Variants in SYNJ1 observed in about 807,000 individuals in gnomAD.
SYNJ1 encodes polyphosphatidylinositol phosphatase SYNJ1.
SYNJ1 carries 78 observed loss-of-function variants against 168.2 expected under a neutral mutation model. The ratio of observed to expected loss-of-function variants is 0.46; its 90% CI spans 0.39 to 0.56. The LOEUF is 0.56. Among genes scored for constraint, SYNJ1 ranks in the 20% least tolerant of loss-of-function variants. The pLI is 0.00. For synonymous variants in SYNJ1, 539 were observed against 548.6 expected (o/e 0.98, Z 0.24); for missense variants, 1,303 against 1,597.6 (o/e 0.82, Z 3.14).
chr21:32,719,621 G>A (rs1429631278), intron 2 of SYNJ1, among the ~76,000 whole-genome samples: 1 of 151,862 alleles, frequency 6.6e-6, no homozygotes, highest in African/African-American at 2.4e-5. Context: ...GGCTGAGGCA[G>A]GAGAATTGCT....
chr21:32,682,578 C>T (rs1226750286), intron 10 of SYNJ1, among the ~76,000 whole-genome samples: 1 of 152,070 alleles, frequency 6.6e-6, no homozygotes, highest in African/African-American at 2.4e-5. Flanking sequence ...AGCCCCAGGG[C>T]CTCCTTTATC....
In SYNJ1 at chr21:32,631,806, A is replaced by C. The variant is rs2039339543; in HGVS notation, c.*4-5T>G. 6.2e-7 allele frequency: 1 copy of C among 1,603,024 alleles called. No individual in the cohort carries two copies. Among genetic ancestry groups the C allele is most frequent in the Non-Finnish European group, 8.5e-7 (1 of 1,173,776 alleles). ...AGAGATTCCATTTGTTTTTACCTGC[A>C]AAAGAAAGGGAGCACTGAAAAATCA... On this transcript the variant is annotated splice_region_variant and splice_polypyrimidine_tract_variant and intron_variant, in intron 32 of 32. Transcript: ENST00000674351.
At position 32,650,294 on chromosome 21, in the gene SYNJ1, T is replaced by C; in HGVS notation, c.2927A>G (p.Asn976Ser). ...CTCTAAACTCATTTCTTCTTCCAAA[T>C]TTTTGATCCAGTCTGGACTTTTTAA... ...IALKSPDWIK[N>S]LEEEMSLEKI... is the part of the protein sequence containing the mutation. The change falls in exon 23 of 33, where the codon AAT (asparagine) becomes AGT (serine). Residue 976 changes from asparagine (N) to serine (S), a missense_variant. By Grantham distance (46) the Asn-to-Ser change is conservative. Coordinates refer to ENST00000674351, the MANE Select transcript of SYNJ1 (RefSeq NM_203446.3). 6.2e-7 allele frequency: 1 copy of C among 1,614,092 alleles called. No homozygotes were observed. Among genetic ancestry groups the C allele is most frequent in the Non-Finnish European group, 8.5e-7 (1 of 1,179,982 alleles).
chr21:32,642,697 A>G (rs2039897270), intron 27 of SYNJ1, among the ~76,000 whole-genome samples: 1 of 152,230 alleles, frequency 6.6e-6, no homozygotes, highest in Non-Finnish European at 1.5e-5. Flanking sequence ...TTATTACCAA[A>G]TATCTGCCTT....
At position 32,693,394 on chromosome 21, in the gene SYNJ1, C is replaced by T. The variant is rs112705349; in HGVS notation, c.789+834G>A. ...TTGCAGAGCAGTAGAAGTGTTAATC[C>T]TTGTTAACTCTTAGACTGTCTTAAA... On this transcript the variant is annotated intron_variant, in intron 6 of 32. Transcript: ENST00000674351. 7.2e-5 allele frequency among the ~76,000 whole-genome samples: 11 copies of T among 152,226 alleles called. 1 individual carries two copies. The highest frequency in any genetic ancestry group is 2.6e-4 in the African/African-American group (11 of 41,520).
intron 29 of SYNJ1, 100 bp downstream of exon 29, chr21:32,641,796 C>G (rs918229977): frequency 5.3e-6 from 4 of 755,586 alleles, no homozygotes; most frequent in Non-Finnish European, 6.4e-6. Context: ...GAAATTGAGG[C>G]CTTGAAGGGT....
At chr21:32,651,651 G>A (rs188081687) in intron 22 of SYNJ1, among the ~76,000 whole-genome samples, 11 of 152,310 alleles carry the variant, frequency 7.2e-5, no homozygotes, top group African/African-American at 2.4e-4. Context: ...CAATTAAGAT[G>A]TAATTCCTTA....
At chr21:32,682,677 C>T (rs1374791416) in intron 10 of SYNJ1, among the ~76,000 whole-genome samples, 1 of 152,222 alleles carries the variant, frequency 6.6e-6, no homozygotes, top group South Asian at 2.1e-4. Context: ...AACTTTGTAA[C>T]CTGTCAACCA....
At position 32,630,871 on chromosome 21, in the gene SYNJ1, T is replaced by A. The variant is rs912454976; in HGVS notation, c.*934A>T. On this transcript the variant is annotated 3_prime_UTR_variant, in exon 33 of 33. Coordinates refer to ENST00000674351, the MANE Select transcript of SYNJ1 (RefSeq NM_203446.3). Reference sequence around the variant, plus strand: ...GTCCAACTCTGTACACATCAAATAGTGGTGTTTTGTGAAGATATCAGTGCA... The same window carrying A: ...GTCCAACTCTGTACACATCAAATAGAGGTGTTTTGTGAAGATATCAGTGCA... The A allele has an allele frequency of 1.7e-5, 15 of 893,996 alleles. No homozygotes were observed. In the African/African-American group the frequency reaches 2.2e-4, roughly 13 times the overall value. 55.4% of individuals were successfully genotyped at this position (893,996 alleles called of 1,614,324 possible).
intron 13 of SYNJ1, among the ~76,000 whole-genome samples, chr21:32,674,388 G>A (rs2041322276): frequency 6.6e-6 from 1 of 152,008 alleles, no homozygotes; most frequent in Admixed American, 6.6e-5. Flanking sequence ...TCCCCTCCCT[G>A]CTTTATTTTT....
In SYNJ1 at chr21:32,727,772, A is replaced by T; in HGVS notation, c.-23+174T>A. 6.0e-6 allele frequency: 8 copies of T among 1,340,250 alleles called. No homozygotes were observed. The South Asian group carries it at 1.1e-4, about 18-fold the overall frequency. 83.0% of individuals were successfully genotyped at this position (1,340,250 alleles called of 1,614,324 possible). ...CCAGCCTGACGCGGCACCCCGCACA[A>T]CCAGTGGTCTGCTCACAACCCCGCC... On this transcript the variant is annotated intron_variant, in intron 1 of 32. Coordinates refer to ENST00000674351, the MANE Select transcript of SYNJ1 (RefSeq NM_203446.3).
intron 15 of SYNJ1, among the ~76,000 whole-genome samples, chr21:32,667,909 T>C (rs1254157899): frequency 6.6e-6 from 1 of 152,110 alleles, no homozygotes; most frequent in Non-Finnish European, 1.5e-5. Context: ...ATAGGGATTT[T>C]TGTCTGTTTG....
rs1035023243 is a variant in SYNJ1 at position 32,645,991 on chromosome 21, T to G, written c.3248-202A>C. 4.6e-6 allele frequency: 4 copies of G among 864,582 alleles called. No homozygotes were observed. In the Admixed American group the frequency reaches 6.9e-5, roughly 15 times the overall value. The allele number at this position is 864,582 out of a possible 1,614,324, so 53.6% of individuals were successfully genotyped here. ...CATGGCAGCAATAATGCTACCTCTGTGCTGACTTCTTACCTAGGCCTCAGG... is the reference window on the plus strand; with the variant it reads ...CATGGCAGCAATAATGCTACCTCTGGGCTGACTTCTTACCTAGGCCTCAGG... On this transcript the variant is annotated intron_variant, in intron 24 of 32. Coordinates refer to ENST00000674351, the MANE Select transcript of SYNJ1 (RefSeq NM_203446.3).
At chr21:32,652,756 A>C (rs1047527804) in intron 22 of SYNJ1, among the ~76,000 whole-genome samples, 2 of 152,244 alleles carry the variant, frequency 1.3e-5, no homozygotes, top group African/African-American at 4.8e-5. Flanking sequence ...ATGACTTTTC[A>C]AATCACAGGT....
chr21:32,700,063 A>G lies in SYNJ1; in HGVS notation c.254T>C (p.Met85Thr), dbSNP rs2042345500. The G allele has an allele frequency of 1.2e-6, 2 of 1,614,168 alleles. No homozygotes were observed. The highest frequency in any genetic ancestry group is 2.7e-5 in the African/African-American group (2 of 75,058). The change falls in exon 4 of 33, where the codon ATG becomes ACG. Residue 85 changes from methionine to threonine, a missense_variant. This residue lies in a region of SYNJ1 where 920 missense variants were observed against 1,208.8 expected (regional missense o/e 0.76). Coordinates refer to ENST00000674351, the MANE Select transcript of SYNJ1 (RefSeq NM_203446.3). Reference protein sequence around the residue: ...LHYLVLVTGCMSVGKIQESEV... With the variant: ...LHYLVLVTGCTSVGKIQESEV... ...AGATTCTTGAATTTTTCCAACAGAC[A>G]TACATCCAGTGACTAGGACCAGATA...
intron 2 of SYNJ1, among the ~76,000 whole-genome samples, chr21:32,719,574 T>C (rs2043144042): frequency 1.3e-5 from 2 of 151,130 alleles, no homozygotes; most frequent in Admixed American, 1.3e-4. Flanking sequence ...ATTAGCCAGG[T>C]GTGGTAGCGG....
intron 4 of SYNJ1, among the ~76,000 whole-genome samples, chr21:32,698,844 A>T (rs1362588385): frequency 6.6e-6 from 1 of 152,228 alleles, no homozygotes; most frequent in East Asian, 1.9e-4. Flanking sequence ...TAGAATAATA[A>T]GGGAATGTTG....
rs2042347504 is a variant in SYNJ1 at position 32,700,109 on chromosome 21, C to T, written c.212-4G>A. ...AGATAATGTAACATAGTATCACCTG[C>T]AAAACCCAAAGATTTTACTGGATGA... is the stretch of plus-strand genomic sequence containing the variant. On this transcript the variant is annotated splice_polypyrimidine_tract_variant and splice_region_variant and intron_variant, in intron 3 of 32. Transcript: ENST00000674351. 1 of 1,587,794 alleles carries T rather than the reference C, an allele frequency of 6.3e-7. No homozygotes were observed. Among genetic ancestry groups the T allele is most frequent in the African/African-American group, 1.4e-5 (1 of 74,008 alleles).
chr21:32,708,158 G>A (rs66528773), intron 2 of SYNJ1, among the ~76,000 whole-genome samples: 38,649 of 152,202 alleles, frequency 0.25, 4,975 homozygotes, highest in East Asian at 0.35. Context: ...AGGTGGGGGT[G>A]GGAAATATAG....
Sources: allele counts gnomAD v4.1 joint callset (sites outside exome capture counted in the v4.1 genomes callset), GRCh38; gene constraint gnomAD v4.1.1; regional missense constraint gnomAD v4.1.1; transcripts MANE v1.5; gene names NCBI Gene and HGNC (gene_info 2026-07-23, HGNC 2026-07-21).